The following GSG1L variants were observed in gnomAD, a reference collection of about 807,000 sequenced individuals.
The protein encoded by GSG1L is GSG1 like, also known as germ cell-specific gene 1-like protein.
A neutral mutation model predicts 42.1 loss-of-function variants in GSG1L; 24 were observed. The ratio of observed to expected loss-of-function variants is 0.57; its 90% CI spans 0.41 to 0.80. The LOEUF (loss-of-function observed/expected upper bound fraction) is 0.80. GSG1L is among the 30% of genes least tolerant of loss of function. The probability of loss-of-function intolerance (pLI) is 0.00; values close to 1 mark genes in which losing one functional copy is unlikely to be tolerated. For synonymous variants in GSG1L, 215 were observed against 203.5 expected (o/e 1.06, Z -0.48); for missense variants, 445 against 472.2 (o/e 0.94, Z 0.53).
chr16:27,791,315 G>T lies in GSG1L; in HGVS notation c.*55C>A, dbSNP rs1482209578. The T allele has an allele frequency of 8.6e-7, 1 of 1,169,508 alleles. No homozygotes were observed. The highest frequency in any genetic ancestry group is 1.1e-6 in the Non-Finnish European group (1 of 875,114). 72.4% of individuals were successfully genotyped at this position (1,169,508 alleles called of 1,614,324 possible). A position where few individuals can be genotyped will look rare whatever the true frequency, so the allele number is the denominator to read the frequency against. ...GGGGCACCACTCTGGTGGTCTTGCA[G>T]CAGGGGCTGGTGCCAGCGATGGCCT... On this transcript the variant is annotated 3_prime_UTR_variant, in exon 7 of 7. Coordinates refer to ENST00000447459, the MANE Select transcript of GSG1L (RefSeq NM_001109763.2).
At chr16:27,815,114 G>A (rs574682443) in intron 5 of GSG1L, among the ~76,000 whole-genome samples, 16 of 152,168 alleles carry the variant, frequency 1.1e-4, no homozygotes, top group African/African-American at 3.4e-4. Flanking sequence ...TTTTTCATAA[G>A]ATGGTGGTGG....
intron 4 of GSG1L, among the ~76,000 whole-genome samples, chr16:27,843,452 T>G (rs576082734): frequency 8.7e-5 from 13 of 149,648 alleles, no homozygotes; most frequent in African/African-American, 3.2e-4. Flanking sequence ...ATTGCTACAA[T>G]TTTAAGATGG....
intron 1 of GSG1L, among the ~76,000 whole-genome samples, chr16:28,036,994 CT>C (rs916296481): frequency 3.9e-5 from 6 of 152,130 alleles, no homozygotes; most frequent in African/African-American, 1.4e-4. Flanking sequence ...ACAGGGACAA[CT>C]TTATCTTTGG....
At chr16:27,803,849 A>G (rs2144420638) in intron 6 of GSG1L, among the ~76,000 whole-genome samples, 2 of 150,404 alleles carry the variant, frequency 1.3e-5, no homozygotes, top group South Asian at 4.2e-4. Context: ...ATAGATAGAT[A>G]GATGGTAGAT....
intron 1 of GSG1L, among the ~76,000 whole-genome samples, chr16:28,028,310 G>A (rs1424865691): frequency 6.6e-6 from 1 of 152,036 alleles, no homozygotes; most frequent in Admixed American, 6.6e-5. Context: ...CCCTCATGTT[G>A]ACTATTTTTA....
At chr16:27,808,335 C>T (rs760339004) in intron 5 of GSG1L, among the ~76,000 whole-genome samples, 2 of 152,146 alleles carry the variant, frequency 1.3e-5, no homozygotes, top group Non-Finnish European at 2.9e-5. Context: ...GATCCTCCTG[C>T]GTCTGCCTCC....
At chr16:27,897,012 C>T (rs2084199987) in intron 2 of GSG1L, among the ~76,000 whole-genome samples, 1 of 152,120 alleles carries the variant, frequency 6.6e-6, no homozygotes, top group African/African-American at 2.4e-5. Context: ...TACAGGCGTA[C>T]ACCATCATGC....
intron 1 of GSG1L, chr16:27,998,194 C>T (rs571833949): frequency 6.6e-6 from 1 of 152,154 alleles, no homozygotes; most frequent in Non-Finnish European, 1.5e-5. Context: ...CACCGTACCA[C>T]TCTATGTGCC....
At chr16:27,893,066 G>T (rs1052834975) in intron 2 of GSG1L, among the ~76,000 whole-genome samples, 1 of 152,072 alleles carries the variant, frequency 6.6e-6, no homozygotes, top group African/African-American at 2.4e-5. Context: ...CCATAATGGT[G>T]GGGATGATTG....
At chr16:28,046,992 A>T (rs2086168916) in intron 1 of GSG1L, among the ~76,000 whole-genome samples, 1 of 152,212 alleles carries the variant, frequency 6.6e-6, no homozygotes, top group African/African-American at 2.4e-5. Context: ...TTCCATGAGG[A>T]CAGGAACCTA....
At chr16:27,792,290 C>T (rs2082764322) in intron 6 of GSG1L, among the ~76,000 whole-genome samples, 1 of 152,182 alleles carries the variant, frequency 6.6e-6, no homozygotes, top group Non-Finnish European at 1.5e-5. Flanking sequence ...TGTGTGTGGA[C>T]ATGGGTGTGC....
At chr16:27,993,206 T>C (rs1331656284) in intron 1 of GSG1L, among the ~76,000 whole-genome samples, 2 of 152,120 alleles carry the variant, frequency 1.3e-5, no homozygotes, top group African/African-American at 4.8e-5. Context: ...TGGAGTGCAG[T>C]GGTGCAATCT....
chr16:27,878,355 C>T (rs527749675), intron 3 of GSG1L, among the ~76,000 whole-genome samples: 5 of 152,234 alleles, frequency 3.3e-5, no homozygotes, highest in Non-Finnish European at 5.9e-5. Flanking sequence ...CTTCACATGG[C>T]GGCAGGAGAG....
At chr16:28,006,780 TGGTCAA>T (rs1213946126) in intron 1 of GSG1L, among the ~76,000 whole-genome samples, 13 of 152,190 alleles carry the variant, frequency 8.5e-5, no homozygotes, top group Non-Finnish European at 1.5e-4. Flanking sequence ...GTGGGTGATC[TGGTCAA>T]CCAAGCCCTC....
chr16:27,821,615 T>G (rs535060534), intron 5 of GSG1L, among the ~76,000 whole-genome samples: 1 of 152,144 alleles, frequency 6.6e-6, no homozygotes, highest in East Asian at 1.9e-4. Context: ...ATTTAAGAAT[T>G]TTGGGCCGGG....
At chr16:27,992,227 T>C (rs2085465006) in intron 1 of GSG1L, among the ~76,000 whole-genome samples, 1 of 152,206 alleles carries the variant, frequency 6.6e-6, no homozygotes, top group Non-Finnish European at 1.5e-5. Flanking sequence ...TTGGGCCCAG[T>C]GGCTCACGCC....
At chr16:27,863,856 G>C (rs1413529038) in intron 3 of GSG1L, among the ~76,000 whole-genome samples, 2 of 152,218 alleles carry the variant, frequency 1.3e-5, no homozygotes, top group Non-Finnish European at 2.9e-5. Context: ...TATACCAGCT[G>C]TGTTAGGACT....
intron 5 of GSG1L, 69 bp from the exon 6 acceptor site, chr16:27,807,623 A>C: frequency 7.3e-7 from 1 of 1,364,134 alleles, no homozygotes; most frequent in Non-Finnish European, 1.0e-6. Flanking sequence ...CAGAGACCCA[A>C]AACCTGAAAA....
At chr16:28,023,798 G>A (rs959833409) in intron 1 of GSG1L, among the ~76,000 whole-genome samples, 1 of 152,172 alleles carries the variant, frequency 6.6e-6, no homozygotes, top group Non-Finnish European at 1.5e-5. Context: ...ACCAAGGTGG[G>A]AGGATCGCTT....
Sources: gnomAD v4.1 joint callset for allele counts (sites outside exome capture counted in the v4.1 genomes callset) on GRCh38, gnomAD v4.1.1 for gene constraint, MANE v1.5 for transcripts, NCBI Gene and HGNC (gene_info 2026-07-23, HGNC 2026-07-21) for gene names.